EXOSC7: variants seen among roughly 807,000 people sequenced by gnomAD.
EXOSC7 encodes exosome component 7.
A neutral mutation model predicts 34.3 loss-of-function variants in EXOSC7; 25 were observed. The observed-to-expected ratio is 0.73, with a 90% confidence interval of 0.53 to 1.02. The LOEUF is 1.02. Ranked by LOEUF, EXOSC7 falls within the 50% of genes least tolerant of loss-of-function variation. EXOSC7 has a pLI of 0.00. For synonymous variants in EXOSC7, 130 were observed against 143.0 expected, an observed-to-expected ratio of 0.91 and a Z score of 0.65; for missense variants, 370 against 368.5, an observed-to-expected ratio of 1.00 and a Z score of -0.03.
chr3:44,983,693 T>TA (rs1451241028), intron 1 of EXOSC7, among the ~76,000 whole-genome samples: 3 of 152,232 alleles, frequency 2.0e-5, no homozygotes, highest in Admixed American at 6.5e-5. Flanking sequence ...TCTTGAGTTT[T>TA]AAAATGGAGC....
chr3:44,986,724 T>G (rs1380421759), intron 1 of EXOSC7, among the ~76,000 whole-genome samples: 2 of 152,194 alleles, frequency 1.3e-5, no homozygotes, highest in Admixed American at 6.5e-5. Context: ...TCCACCTGAT[T>G]TGTGATGTTT....
Position 44,989,208 on chromosome 3 carries a change from G to GTCCA in EXOSC7, c.127_130dup (p.Asn44IlefsTer4). ...GTGTCGAAGTGGAAACTGATGTGGT[G>GTCCA]TCCAACACTAGTGGGTCCGCCAGGG... On this transcript the variant is annotated frameshift_variant, in exon 2 of 8. Coordinates refer to ENST00000265564, the MANE Select transcript of EXOSC7 (RefSeq NM_015004.4). LOFTEE classifies it high-confidence loss of function. 2 of 1,614,124 alleles carry GTCCA rather than the reference G, an allele frequency of 1.2e-6. No individual in the cohort carries two copies. The highest frequency in any genetic ancestry group is 1.7e-6 in the Non-Finnish European group (2 of 1,179,956).
At chr3:44,994,387 G>A (rs984031786) in intron 3 of EXOSC7, among the ~76,000 whole-genome samples, 43 of 150,410 alleles carry the variant, frequency 2.9e-4, no homozygotes, top group African/African-American at 1.0e-3. Context: ...TTTTTTTAAG[G>A]TGGACCTTAA....
Position 44,989,570 on chromosome 3 carries a change from G to A in EXOSC7, c.180G>A (p.Val60=). The change falls in exon 3 of 8, where the codon GTG becomes GTA. Residue 60 remains valine, a synonymous_variant. Transcript: ENST00000265564. ...RVKLGHTDIL[V]GVKAEMGTPK... ...TGCAGGGTCACACAGACATCTTGGT[G>A]GGAGTGAAAGCAGAAATGGGGACGC... 6.2e-7 allele frequency: 1 copy of A among 1,614,038 alleles called. No individual in the cohort carries two copies. Among genetic ancestry groups the A allele is most frequent in the African/African-American group, 1.3e-5 (1 of 75,026 alleles).
At chr3:45,002,132 G>T (rs531564650) in intron 5 of EXOSC7, 1 of 152,622 alleles carries the variant, frequency 6.6e-6, no homozygotes, top group Admixed American at 6.5e-5. Flanking sequence ...TTTCCAAACA[G>T]GTTGTGTAGA....
intron 3 of EXOSC7, among the ~76,000 whole-genome samples, chr3:44,991,651 T>C (rs1023749639): frequency 6.6e-6 from 1 of 152,204 alleles, no homozygotes; most frequent in Non-Finnish European, 1.5e-5. Context: ...CTGCTGCTCT[T>C]ATCCCTTTCT....
intron 1 of EXOSC7, among the ~76,000 whole-genome samples, chr3:44,986,198 C>A (rs1706407943): frequency 1.0e-5 from 1 of 95,694 alleles, no homozygotes; most frequent in Non-Finnish European, 1.9e-5. Context: ...TGGGGCCACA[C>A]AGGAGCACCC....
At chr3:44,991,615 G>C (rs1706575214) in intron 3 of EXOSC7, among the ~76,000 whole-genome samples, 1 of 152,124 alleles carries the variant, frequency 6.6e-6, no homozygotes, top group Admixed American at 6.5e-5. Context: ...TTGTGGCTCT[G>C]TGTCTAAATA....
chr3:44,988,845 C>T (rs1706490664), intron 1 of EXOSC7, among the ~76,000 whole-genome samples: 1 of 152,090 alleles, frequency 6.6e-6, no homozygotes, highest in Non-Finnish European at 1.5e-5. Flanking sequence ...TGTGCATATT[C>T]TATATAGTGG....
At chr3:44,988,926 AC>A (rs1706492139) in intron 1 of EXOSC7, among the ~76,000 whole-genome samples, 1 of 152,202 alleles carries the variant, frequency 6.6e-6, no homozygotes, top group African/African-American at 2.4e-5. Context: ...TAGCTGTAGG[AC>A]CTTGGACAAG....
chr3:44,998,508 G>A (rs1367453607), intron 4 of EXOSC7, among the ~76,000 whole-genome samples: 1 of 152,184 alleles, frequency 6.6e-6, no homozygotes, highest in Non-Finnish European at 1.5e-5. Flanking sequence ...TAAGCTATTG[G>A]CCAAATAGAT....
intron 1 of EXOSC7, chr3:44,977,499 T>G (rs2125958454): frequency 6.6e-6 from 1 of 152,360 alleles, no homozygotes; most frequent in Non-Finnish European, 1.5e-5. Context: ...ATGCCAATAT[T>G]TAGCATATTA....
At chr3:44,994,856 G>GTGT (rs1706673996) in intron 3 of EXOSC7, among the ~76,000 whole-genome samples, 1 of 134,864 alleles carries the variant, frequency 7.4e-6, no homozygotes, top group African/African-American at 2.8e-5. Flanking sequence ...TGGAAGAATG[G>GTGT]GTGTGTGTGT....
chr3:44,994,954 C>CA (rs368885412), intron 3 of EXOSC7, among the ~76,000 whole-genome samples: 2,509 of 147,262 alleles, frequency 0.017, 83 homozygotes, highest in African/African-American at 0.059. Context: ...AACCCAGTGT[C>CA]AAAAAAAAAC....
rs545051963 is a variant in EXOSC7, at chr3:44,994,893, G to T, written c.255-2194G>T. Among the ~76,000 whole-genome samples, 14 of 149,748 alleles carry T rather than the reference G, an allele frequency of 9.3e-5. 1 individual carries two copies. Among genetic ancestry groups the T allele is most frequent in the Non-Finnish European group, 2.1e-4 (14 of 67,064 alleles). On this transcript the variant is annotated intron_variant, in intron 3 of 7. Transcript: ENST00000265564. ...TGTGTGTGTGTGTGTGTGTGTGTGT[G>T]TGTGTGTGTGTGTTTTAAGCCATTT...
chr3:44,999,231 C>A (rs1291957756), intron 4 of EXOSC7, among the ~76,000 whole-genome samples: 2 of 152,210 alleles, frequency 1.3e-5, no homozygotes, highest in Non-Finnish European at 2.9e-5. Context: ...CTTCAGTGAG[C>A]AGGGGATGGA....
chr3:44,995,965 C>T (rs935953039), intron 3 of EXOSC7, among the ~76,000 whole-genome samples: 28 of 152,126 alleles, frequency 1.8e-4, no homozygotes, highest in Admixed American at 5.2e-4. Context: ...GGTTTGAGGT[C>T]GCCTTTAAAC....
intron 3 of EXOSC7, among the ~76,000 whole-genome samples, chr3:44,991,822 G>T (rs184105156): frequency 6.6e-6 from 1 of 152,102 alleles, no homozygotes; most frequent in African/African-American, 2.4e-5. Flanking sequence ...ATCCCCACAG[G>T]CCCAAGAGCT....
At chr3:44,997,341 C>T in intron 4 of EXOSC7, 89 bp downstream of exon 4, 1 of 1,227,086 alleles carries the variant, frequency 8.1e-7, no homozygotes, top group Non-Finnish European at 1.1e-6. Context: ...TTTTCCTCTT[C>T]AGGTGGATGC....
Sources: gnomAD v4.1 joint callset for allele counts (sites outside exome capture counted in the v4.1 genomes callset) on GRCh38, gnomAD v4.1.1 for gene constraint, MANE v1.5 for transcripts, NCBI Gene and HGNC (gene_info 2026-07-23, HGNC 2026-07-21) for gene names.